Variants in PLPPR1 observed in about 807,000 individuals in gnomAD.
The protein encoded by PLPPR1 is phospholipid phosphatase related 1.
PLPPR1 carries 10 observed loss-of-function variants against 33.1 expected under a neutral mutation model. That is an observed-to-expected ratio of 0.30 (90% CI 0.19 to 0.51). The LOEUF is 0.51. Among genes scored for constraint, PLPPR1 ranks in the 20% least tolerant of loss-of-function variants. The pLI is 0.97. For synonymous variants in PLPPR1, 151 were observed against 151.0 expected (o/e 1.00, Z 0.00); for missense variants, 304 against 408.1 (o/e 0.74, Z 2.20).
At chr9:101,149,438 C>G (rs932363202) in intron 1 of PLPPR1, among the ~76,000 whole-genome samples, 1 of 152,140 alleles carries the variant, frequency 6.6e-6, no homozygotes, top group South Asian at 2.1e-4. Flanking sequence ...TTATGGTTAT[C>G]GGGGGTACCC....
At chr9:101,192,584 T>C (rs1233192457) in intron 2 of PLPPR1, among the ~76,000 whole-genome samples, 2 of 151,974 alleles carry the variant, frequency 1.3e-5, no homozygotes, top group East Asian at 3.9e-4. Context: ...AGGTAGGTGG[T>C]TATAAATGTT....
chr9:101,145,966 T>C (rs1257437265), intron 1 of PLPPR1, among the ~76,000 whole-genome samples: 1 of 151,988 alleles, frequency 6.6e-6, no homozygotes, highest in African/African-American at 2.4e-5. Flanking sequence ...TATTGAGCCA[T>C]GATGGCACCA....
At chr9:101,270,118 T>C (rs1415764433) in intron 3 of PLPPR1, 50 bp downstream of exon 3, 1 of 1,580,252 alleles carries the variant, frequency 6.3e-7, no homozygotes, top group South Asian at 1.1e-5. Flanking sequence ...CCCAAGAATA[T>C]TTTCTGTCTG....
At chr9:101,201,930 T>C (rs905334412) in intron 2 of PLPPR1, among the ~76,000 whole-genome samples, 2 of 152,160 alleles carry the variant, frequency 1.3e-5, no homozygotes, top group African/African-American at 2.4e-5. Context: ...CCTAATGACA[T>C]ACACAGAATT....
intron 4 of PLPPR1, among the ~76,000 whole-genome samples, chr9:101,305,032 G>A (rs919685259): frequency 3.9e-5 from 6 of 152,150 alleles, no homozygotes; most frequent in Non-Finnish European, 5.9e-5. Context: ...AATTCAGAGC[G>A]AACTCATCCA....
At chr9:101,080,222 T>C (rs567702450) in intron 1 of PLPPR1, among the ~76,000 whole-genome samples, 47 of 152,098 alleles carry the variant, frequency 3.1e-4, no homozygotes, top group African/African-American at 1.0e-3. Context: ...TACTGTAGGG[T>C]GATTGGATGG....
chr9:101,260,900 A>G (rs1588100081), intron 2 of PLPPR1, among the ~76,000 whole-genome samples: 1 of 152,296 alleles, frequency 6.6e-6, no homozygotes, highest in African/African-American at 2.4e-5. Context: ...TAAAGCAACA[A>G]TGTTTTCAGA....
chr9:101,220,709 C>T (rs1324756771), intron 2 of PLPPR1, among the ~76,000 whole-genome samples: 1 of 152,202 alleles, frequency 6.6e-6, no homozygotes. Context: ...GGTAGCTCCA[C>T]AGAAATTTAA....
chr9:101,151,901 G>A (rs1230999441), intron 1 of PLPPR1, among the ~76,000 whole-genome samples: 4 of 152,206 alleles, frequency 2.6e-5, no homozygotes, highest in Admixed American at 6.5e-5. Flanking sequence ...ATAATGATGA[G>A]CCAGTAGAAA....
chr9:101,168,554 T>G (rs1825894156), intron 1 of PLPPR1, among the ~76,000 whole-genome samples: 1 of 152,162 alleles, frequency 6.6e-6, no homozygotes. Flanking sequence ...TTAAAATAGA[T>G]TCTGCATTTC....
intron 1 of PLPPR1, among the ~76,000 whole-genome samples, chr9:101,131,312 T>C (rs1416626113): frequency 6.6e-6 from 1 of 152,180 alleles, no homozygotes; most frequent in African/African-American, 2.4e-5. Context: ...AGAATACCTG[T>C]CATATTTGAA....
chr9:101,139,254 G>A (rs1017541238), intron 1 of PLPPR1, among the ~76,000 whole-genome samples: 6 of 152,124 alleles, frequency 3.9e-5, no homozygotes, highest in African/African-American at 9.7e-5. Context: ...CTTTGGCTGC[G>A]CCTCTACATC....
intron 4 of PLPPR1, among the ~76,000 whole-genome samples, chr9:101,293,774 T>A (rs1014105903): frequency 6.6e-6 from 1 of 151,822 alleles, no homozygotes; most frequent in Admixed American, 6.6e-5. Context: ...AGACACAACA[T>A]ACCAGAATCT....
rs185992960 is a variant in PLPPR1 at position 101,145,512 on chromosome 9, G to T, written c.-45-39938G>T. On this transcript the variant is annotated intron_variant, in intron 1 of 7. Coordinates refer to ENST00000374874, the MANE Select transcript of PLPPR1 (RefSeq NM_207299.2). ...TTCTCCTGCCTCCTCCTCCTGAGTA[G>T]CTGGGATTCCAAGCACCTGCCACCA... is the stretch of plus-strand genomic sequence containing the variant. Among the ~76,000 whole-genome samples, 30 of 152,090 alleles carry T rather than the reference G, an allele frequency of 2.0e-4. 2 individuals are homozygous for T. The East Asian group carries it at 5.2e-3, about 27-fold the overall frequency.
At chr9:101,163,988 C>A (rs1198564796) in intron 1 of PLPPR1, among the ~76,000 whole-genome samples, 1 of 152,156 alleles carries the variant, frequency 6.6e-6, no homozygotes, top group African/African-American at 2.4e-5. Flanking sequence ...AAACTCAGGA[C>A]ATGTATCAGG....
rs1389804719 is a variant in PLPPR1 at position 101,082,956 on chromosome 9, T to C, written c.-46+53854T>C. Among the ~76,000 whole-genome samples, 3 of 152,122 alleles carry C rather than the reference T, an allele frequency of 2.0e-5. No homozygotes were observed. In the East Asian group the frequency reaches 5.8e-4, roughly 29 times the overall value. On this transcript the variant is annotated intron_variant, in intron 1 of 7. Coordinates refer to ENST00000374874, the MANE Select transcript of PLPPR1 (RefSeq NM_207299.2). The stretch of plus-strand genomic sequence containing the variant: ...CTGTCATCACCCTGATTTTCATTGC[T>C]GTCATGACTATTCAAAGATACCGAA...
At chr9:101,179,829 G>T (rs1821728304) in intron 1 of PLPPR1, among the ~76,000 whole-genome samples, 1 of 151,896 alleles carries the variant, frequency 6.6e-6, no homozygotes, top group Admixed American at 6.6e-5. Context: ...GTGGGCTGGG[G>T]AAGGCAAACC....
chr9:101,186,980 C>T (rs1027184246), intron 2 of PLPPR1, among the ~76,000 whole-genome samples: 5 of 151,788 alleles, frequency 3.3e-5, no homozygotes, highest in Admixed American at 2.6e-4. Flanking sequence ...ACTTGCTATA[C>T]GATGCCAAAA....
In PLPPR1 at chr9:101,227,857, A is replaced by G. The variant is rs147094081; in HGVS notation, c.64-42023A>G. 3.5e-3 allele frequency among the ~76,000 whole-genome samples: 536 copies of G among 152,060 alleles called. 6 individuals are homozygous for G. The highest frequency in any genetic ancestry group is 0.012 in the African/African-American group (503 of 41,476). ...AGTGGTGTGATCTCAGCTCACTGCA[A>G]CCTCCACCTCCTGGGTTCAAGCGAT... is the stretch of plus-strand genomic sequence containing the variant. On this transcript the variant is annotated intron_variant, in intron 2 of 7. Transcript: ENST00000374874.
Sources: allele counts gnomAD v4.1 joint callset (sites outside exome capture counted in the v4.1 genomes callset), GRCh38; gene constraint gnomAD v4.1.1; transcripts MANE v1.5; gene names NCBI Gene and HGNC (gene_info 2026-07-23, HGNC 2026-07-21).